Variants in ROBO2 observed in about 807,000 individuals in gnomAD.
The protein encoded by ROBO2 is roundabout homolog 2.
Under a neutral mutation model 160.8 loss-of-function variants are expected in ROBO2, and 53 were observed. The observed-to-expected ratio is 0.33, with a 90% CI of 0.26 to 0.41. The LOEUF (loss-of-function observed/expected upper bound fraction) is 0.41, where lower values mean the gene tolerates loss of function less well. Ranked by LOEUF, ROBO2 falls within the 10% of genes least tolerant of loss-of-function variation. The pLI, the probability that ROBO2 is intolerant of heterozygous loss-of-function variation, is 1.00. For synonymous variants in ROBO2, 664 were observed against 611.7 expected, an observed-to-expected ratio of 1.09 and a Z score of -1.26; for missense variants, 1,577 against 1,722.4, an observed-to-expected ratio of 0.92 and a Z score of 1.49.
intron 2 of ROBO2, among the ~76,000 whole-genome samples, chr3:77,022,058 T>G (rs2149510852): frequency 6.6e-6 from 1 of 151,902 alleles, no homozygotes; most frequent in Middle Eastern, 3.5e-3. Context: ...CTGGGCAAAA[T>G]AATGAAACCT....
At position 76,000,894 on chromosome 3, in the gene ROBO2, C is replaced by T. The variant is rs191719240; in HGVS notation, c.109+63292C>T. 6.6e-5 allele frequency among the ~76,000 whole-genome samples: 10 copies of T among 152,172 alleles called. No individual in the cohort carries two copies. In the East Asian group the frequency reaches 1.9e-3, roughly 29 times the overall value. Reference sequence around the variant, plus strand: ...ATCCTTTGTCATTATAGCTTATGCTCTCTATCTTTTAGTAGCGAACTTAAT... The same window carrying T: ...ATCCTTTGTCATTATAGCTTATGCTTTCTATCTTTTAGTAGCGAACTTAAT... On this transcript the variant is annotated intron_variant, in intron 2 of 26. Coordinates refer to the ROBO2 transcript ENST00000487694.
At position 76,535,875 on chromosome 3, in the gene ROBO2, G is replaced by T. The variant is rs932679761; in HGVS notation, c.110-562139G>T. On this transcript the variant is annotated intron_variant, in intron 2 of 26. Coordinates refer to the ROBO2 transcript ENST00000487694. ...TTACCTGAAGCTCAGCATCCATGAT[G>T]GTCCAGGGGGCTTCCGAGGTGATTG... 5.9e-5 allele frequency among the ~76,000 whole-genome samples: 9 copies of T among 152,138 alleles called. 1 individual carries two copies. Among genetic ancestry groups the T allele is most frequent in the African/African-American group, 2.4e-5 (1 of 41,414 alleles).
At chr3:77,305,033 AC>A (rs2062979384) in intron 2 of ROBO2, among the ~76,000 whole-genome samples, 1 of 152,100 alleles carries the variant, frequency 6.6e-6, no homozygotes, top group Non-Finnish European at 1.5e-5. Context: ...AACCTCTCTG[AC>A]CCCTTTGGGA....
chr3:76,087,639 A>G (rs2069066232), intron 2 of ROBO2, among the ~76,000 whole-genome samples: 1 of 152,048 alleles, frequency 6.6e-6, no homozygotes, highest in Non-Finnish European at 1.5e-5. Flanking sequence ...TGTTATTTTA[A>G]TTTATCTAAT....
chr3:76,001,509 AAT>A (rs755269408), intron 2 of ROBO2, among the ~76,000 whole-genome samples: 6 of 151,500 alleles, frequency 4.0e-5, no homozygotes, highest in Admixed American at 6.6e-5. Flanking sequence ...CATTTATTTG[AAT>A]ATGTGTGTGT....
intron 2 of ROBO2, among the ~76,000 whole-genome samples, chr3:76,605,209 G>T (rs11922460): frequency 0.78 from 119,219 of 152,002 alleles, 48,508 homozygotes; most frequent in Middle Eastern, 0.94. Flanking sequence ...ATATACCAAG[G>T]TATAAAACTG....
intron 2 of ROBO2, among the ~76,000 whole-genome samples, chr3:77,340,687 G>A (rs1208133891): frequency 6.6e-6 from 1 of 152,010 alleles, no homozygotes; most frequent in Non-Finnish European, 1.5e-5. Flanking sequence ...AGTCCTTTTT[G>A]CTGGCTAGCT....
chr3:76,899,331 T>A (rs988562266), intron 2 of ROBO2, among the ~76,000 whole-genome samples: 3 of 152,116 alleles, frequency 2.0e-5, no homozygotes, highest in Admixed American at 6.6e-5. Context: ...AGTTCATGTA[T>A]GTGTGATGGT....
chr3:77,034,602 T>C (rs1008070690), intron 2 of ROBO2, among the ~76,000 whole-genome samples: 1 of 151,908 alleles, frequency 6.6e-6, no homozygotes, highest in Non-Finnish European at 1.5e-5. Context: ...GCAATTTTTT[T>C]CTAATTTGAA....
chr3:76,057,633 G>C (rs2067896445), intron 2 of ROBO2, among the ~76,000 whole-genome samples: 1 of 152,102 alleles, frequency 6.6e-6, no homozygotes, highest in Non-Finnish European at 1.5e-5. Flanking sequence ...TTGTGGAGTA[G>C]AACAGATTTA....
At position 77,108,437 on chromosome 3, in the gene ROBO2, C is replaced by T. The variant is rs553367774; in HGVS notation, c.388+10097C>T. ...ATGTGACCCCCCCCTACCTTGGCCT[C>T]ACGAAGTGCTAGGATTACAAGTATG... On this transcript the variant is annotated intron_variant, in intron 2 of 25. Coordinates refer to ENST00000461745, the Ensembl canonical transcript of ROBO2. Among the ~76,000 whole-genome samples, 37 of 152,160 alleles carry T rather than the reference C, an allele frequency of 2.4e-4. 1 individual carries two copies. Among genetic ancestry groups the T allele is most frequent in the Admixed American group, 6.5e-4 (10 of 15,282 alleles).
chr3:76,713,596 G>A (rs1017939753), intron 2 of ROBO2, among the ~76,000 whole-genome samples: 1 of 152,096 alleles, frequency 6.6e-6, no homozygotes, highest in African/African-American at 2.4e-5. Context: ...GCTCTCTCAG[G>A]ATTAAGTACA....
rs142397404 is a variant in ROBO2, at chr3:76,855,293, T to C, written c.110-242721T>C. ...CCACTGTGTGTGGATGTTGCTGTAA[T>C]TGATGTTCAAGGAGTGGGGCAGAGA... On this transcript the variant is annotated intron_variant, in intron 2 of 26. Coordinates refer to the ROBO2 transcript ENST00000487694. Among the ~76,000 whole-genome samples the C allele has an allele frequency of 3.4e-3, 522 of 152,306 alleles. 5 individuals carry two copies. The highest frequency in any genetic ancestry group is 3.9e-3 in the Non-Finnish European group (264 of 68,024).
intron 23 of ROBO2, among the ~76,000 whole-genome samples, chr3:77,627,914 G>A (rs1233233497): frequency 6.6e-6 from 1 of 152,116 alleles, no homozygotes; most frequent in Non-Finnish European, 1.5e-5. Flanking sequence ...AGCAAGGAAA[G>A]ATTTAGCATA....
chr3:76,434,425 G>T, intron 2 of ROBO2: 1 of 1,566,184 alleles, frequency 6.4e-7, no homozygotes, highest in Non-Finnish European at 8.8e-7. Context: ...CCCTGGGCTG[G>T]GTGGCTATGG....
intron 1 of ROBO2, among the ~76,000 whole-genome samples, chr3:75,907,852 C>CGCGTGTGT (rs1553699047): frequency 6.7e-6 from 1 of 148,570 alleles, no homozygotes; most frequent in African/African-American, 2.5e-5. Context: ...TAATCGTGTG[C>CGCGTGTGT]GTGTGTGTGT....
intron 2 of ROBO2, among the ~76,000 whole-genome samples, chr3:76,591,147 G>T (rs1280395305): frequency 6.6e-6 from 1 of 151,976 alleles, no homozygotes; most frequent in African/African-American, 2.4e-5. Flanking sequence ...CAGTGAATTA[G>T]CACATATTTT....
chr3:76,451,900 C>A (rs1437790570), intron 2 of ROBO2, among the ~76,000 whole-genome samples: 17 of 152,100 alleles, frequency 1.1e-4, no homozygotes, highest in Admixed American at 1.1e-3. Context: ...ACAGGAGAAC[C>A]TGTTTACAAT....
chr3:76,665,631 A>G (rs1409064758), intron 2 of ROBO2, among the ~76,000 whole-genome samples: 1 of 151,620 alleles, frequency 6.6e-6, no homozygotes, highest in East Asian at 1.9e-4. Flanking sequence ...AGGAATTCTT[A>G]AATTCATATC....
Sources: gnomAD v4.1 joint callset for allele counts (sites outside exome capture counted in the v4.1 genomes callset) on GRCh38, gnomAD v4.1.1 for gene constraint, MANE v1.5 for transcripts, NCBI Gene and HGNC (gene_info 2026-07-23, HGNC 2026-07-21) for gene names.